The following MAP1A variants were observed in gnomAD, a reference collection of about 807,000 sequenced individuals.
The protein encoded by MAP1A is microtubule-associated protein 1A.
Under a neutral mutation model 185.9 loss-of-function variants are expected in MAP1A, and 42 were observed. The ratio of observed to expected loss-of-function variants is 0.23; its 90% CI spans 0.18 to 0.29. The LOEUF is 0.29. Ranked by LOEUF, MAP1A falls within the 10% of genes least tolerant of loss-of-function variation. MAP1A has a pLI of 1.00. For synonymous variants in MAP1A, 1,229 were observed against 1,335.9 expected (o/e 0.92, Z 1.74); for missense variants, 2,995 against 3,450.4 (o/e 0.87, Z 3.31).
At position 43,529,859 on chromosome 15, in the gene MAP1A, G is replaced by A. The variant is rs760188931; in HGVS notation, c.8245G>A (p.Glu2749Lys). Residue 2749 changes from glutamate (E) to lysine (K), a missense_variant, in exon 5 of 6, where the codon GAG becomes AAG. Physicochemically the swap from Glu to Lys is moderately conservative, Grantham distance 56. Transcript: ENST00000300231. The surrounding 1 kb of genome is among the most constrained non-coding windows in gnomAD (Gnocchi z 4.3). ...ALLEGKAQWG[E>K]NLQVTLIPTH... ...GCTGGAGGGCAAGGCCCAGTGGGGG[G>A]AGAATCTTCAGGTGAGTAGCAAAGG... 4 of 1,613,334 alleles carry A rather than the reference G, an allele frequency of 2.5e-6. No individual in the cohort carries two copies. The highest frequency in any genetic ancestry group is 2.7e-5 in the African/African-American group (2 of 74,920).
chr15:43,522,262 G>T lies in MAP1A; in HGVS notation c.789G>T (p.Val263=), dbSNP rs754323568. The T allele has an allele frequency of 6.2e-7, 1 of 1,614,200 alleles. No homozygotes were observed. The highest frequency in any genetic ancestry group is 2.2e-5 in the East Asian group (1 of 44,882). Residue 263 remains valine, a synonymous_variant, in exon 4 of 6, where the codon GTG becomes GTT. Transcript: ENST00000300231. This position sits in a 1 kb window ranked among gnomAD's most constrained non-coding sequence, Gnocchi z 5.9. ...CAGCCAATCCCACTGAGAAGATTGT[G>T]CGTGTGCTTTTTCCAGGAAATGCTC... ...WLPANPTEKI[V]RVLFPGNAPQ...
chr15:43,527,328 A>C lies in MAP1A; in HGVS notation c.5855A>C (p.Glu1952Ala). 6.2e-7 allele frequency: 1 copy of C among 1,614,110 alleles called. No individual in the cohort carries two copies. The highest frequency in any genetic ancestry group is 8.5e-7 in the Non-Finnish European group (1 of 1,180,012). Residue 1952 changes from glutamate to alanine, a missense_variant, in exon 4 of 6, where the codon GAG becomes GCG. By Grantham distance (107) the Glu-to-Ala change is moderately radical. Coordinates refer to ENST00000300231, the MANE Select transcript of MAP1A (RefSeq NM_002373.6). The part of the protein sequence containing the change: ...ATTEPEQTEP[E>A]QREPTPYPDE... ...ACGGAGCCTGAGCAGACTGAGCCGGAGCAGAGAGAGCCCACACCCTATCCT... is the reference window on the plus strand; with the variant it reads ...ACGGAGCCTGAGCAGACTGAGCCGGCGCAGAGAGAGCCCACACCCTATCCT...
rs372714757 is a variant in MAP1A, at chr15:43,523,559, C to T, written c.2086C>T (p.Arg696Trp). The T allele has an allele frequency of 1.7e-5, 28 of 1,614,010 alleles. No individual in the cohort carries two copies. Among genetic ancestry groups the T allele is most frequent in the East Asian group, 1.3e-4 (6 of 44,892 alleles). Residue 696 changes from arginine (R) to tryptophan (W), a missense_variant, in exon 4 of 6, where the codon CGG (arginine) becomes TGG (tryptophan). Physicochemically the swap from Arg to Trp is moderately radical, Grantham distance 101 (BLOSUM62 -3). Coordinates refer to ENST00000300231, the MANE Select transcript of MAP1A (RefSeq NM_002373.6). Reference protein sequence around the residue: ...QEPLKVTPRSREAFGGRELGL... With the variant: ...QEPLKVTPRSWEAFGGRELGL... ...ACCCTTGAAGGTAACTCCAAGGAGC[C>T]GGGAGGCTTTTGGGGGTCGGGAATT...
chr15:43,516,649 C>T (rs565810315), upstream of MAP1A, among the ~76,000 whole-genome samples: 9 of 152,298 alleles, frequency 5.9e-5, no homozygotes, highest in South Asian at 1.7e-3. Flanking sequence ...CTAAGGGAAA[C>T]AGGATCAACA....
In MAP1A at chr15:43,529,389, GAGCATCCCGGGCCCCACCTCGACC is replaced by G; in HGVS notation, c.7918_7941del (p.Ala2640_Pro2647del). The G allele has an allele frequency of 6.2e-7, 1 of 1,613,888 alleles. No homozygotes were observed. Among genetic ancestry groups the G allele is most frequent in the South Asian group, 1.1e-5 (1 of 91,080 alleles). ...ACCCCTGGTAAAGGGCCTGCAGATC[GAGCATCCCGGGCCCCACCTCGACC>G]ACGCAGCACCACAAGCCAGGTCACC... On this transcript the variant is annotated inframe_deletion, in exon 4 of 6. Coordinates refer to ENST00000300231, the MANE Select transcript of MAP1A (RefSeq NM_002373.6). This position sits in a 1 kb window ranked among gnomAD's most constrained non-coding sequence, Gnocchi z 4.3.
At position 43,524,332 on chromosome 15, in the gene MAP1A, A is replaced by T; in HGVS notation, c.2859A>T (p.Lys953Asn). Reference sequence around the variant, plus strand: ...CAGCAAACGTAGAGATGTCTGAGAAACTTTGCAGTCAATATGGAACTCCAG... The same window carrying T: ...CAGCAAACGTAGAGATGTCTGAGAATCTTTGCAGTCAATATGGAACTCCAG... ...EETANVEMSE[K>N]LCSQYGTPVF... is the part of the protein sequence containing the mutation. The change falls in exon 4 of 6, where the codon AAA becomes AAT. Residue 953 changes from lysine (K) to asparagine (N), a missense_variant. Transcript: ENST00000300231. 6.2e-7 allele frequency: 1 copy of T among 1,614,196 alleles called. No homozygotes were observed. Among genetic ancestry groups the T allele is most frequent in the African/African-American group, 1.3e-5 (1 of 75,040 alleles).
At chr15:43,514,406 C>T (rs2079291412), upstream of MAP1A, among the ~76,000 whole-genome samples, 1 of 152,238 alleles carries the variant, frequency 6.6e-6, no homozygotes, top group African/African-American at 2.4e-5. Context: ...GCCCCTCCCT[C>T]CAGCCTTCTG....
exon 1 of MAP1A, chr15:43,510,989 A>G (rs1404060562): frequency 1.9e-6 from 3 of 1,539,610 alleles, no homozygotes; most frequent in East Asian, 2.5e-5. Context: ...GGGTGTTTCC[A>G]TGGAGACCGA....
chr15:43,522,450 C>G lies in MAP1A; in HGVS notation c.977C>G (p.Thr326Ser), dbSNP rs2079323065. Reference sequence around the variant, plus strand: ...GATAGCAAGGAGAGCCTCAAAGCCACTACCAAGACGGCCGTGAGCAAGTTG... The same window carrying G: ...GATAGCAAGGAGAGCCTCAAAGCCAGTACCAAGACGGCCGTGAGCAAGTTG... Reference protein sequence around the residue: ...RADSKESLKATTKTAVSKLAK... With the variant: ...RADSKESLKASTKTAVSKLAK... The change falls in exon 4 of 6, where the codon ACT becomes AGT. Residue 326 changes from threonine (T) to serine (S), a missense_variant. Physicochemically the swap from Thr to Ser is moderately conservative, Grantham distance 58. This residue lies in a region of MAP1A where 264 missense variants were observed against 435.3 expected (regional missense o/e 0.61). Coordinates refer to ENST00000300231, the MANE Select transcript of MAP1A (RefSeq NM_002373.6). This position sits in a 1 kb window ranked among gnomAD's most constrained non-coding sequence, Gnocchi z 5.9. 1.9e-6 allele frequency: 3 copies of G among 1,614,074 alleles called. No individual in the cohort carries two copies. The highest frequency in any genetic ancestry group is 2.7e-5 in the African/African-American group (2 of 75,006).
chr15:43,522,839 C>T lies in MAP1A; in HGVS notation c.1366C>T (p.Leu456Phe). 6.3e-7 allele frequency: 1 copy of T among 1,599,490 alleles called. No individual in the cohort carries two copies. The highest frequency in any genetic ancestry group is 8.5e-7 in the Non-Finnish European group (1 of 1,172,084). The change falls in exon 4 of 6, where the codon CTC becomes TTC. Residue 456 changes from leucine to phenylalanine, a missense_variant. Transcript: ENST00000300231. This position sits in a 1 kb window ranked among gnomAD's most constrained non-coding sequence, Gnocchi z 5.9. ...GAAGAGGAAAGATACCAAACCTGAG[C>T]TCAAGAAGATTTCCAAGCCAGACCT... ...EEKRKDTKPE[L>F]KKISKPDLKP...
At position 43,517,720 on chromosome 15, in the gene MAP1A, G is replaced by A. The variant is rs1487001045; in HGVS notation, c.-375+20G>A. 3 of 935,938 alleles carry A rather than the reference G, an allele frequency of 3.2e-6. No individual in the cohort carries two copies. In the African/African-American group the frequency reaches 5.3e-5, roughly 17 times the overall value. The allele number at this position is 935,938 out of a possible 1,614,324, so 58.0% of individuals were successfully genotyped here. ...CCCAGGGTAAGAACCGAACCAAAGGGCTTGGCATGTGGGGGTACACTGTGA... is the reference window on the plus strand; with the variant it reads ...CCCAGGGTAAGAACCGAACCAAAGGACTTGGCATGTGGGGGTACACTGTGA... On this transcript the variant is annotated intron_variant, in intron 1 of 5. Coordinates refer to ENST00000300231, the MANE Select transcript of MAP1A (RefSeq NM_002373.6).
Position 43,521,011 on chromosome 15 carries a change from C to G in MAP1A, c.-252C>G. 1 of 1,550,178 alleles carries G rather than the reference C, an allele frequency of 6.5e-7. No individual in the cohort carries two copies. Among genetic ancestry groups the G allele is most frequent in the Non-Finnish European group, 8.7e-7 (1 of 1,146,646 alleles). On this transcript the variant is annotated 5_prime_UTR_variant, in exon 3 of 6. Coordinates refer to ENST00000300231, the MANE Select transcript of MAP1A (RefSeq NM_002373.6). This position sits in a 1 kb window ranked among gnomAD's most constrained non-coding sequence, Gnocchi z 4.6. The stretch of plus-strand genomic sequence containing the variant: ...TAGCAGCTCATCAGCTTATAAACTA[C>G]TAATCTTGAGTGGGCAAAGTTTAGA...
rs754853572 is a variant in MAP1A, at chr15:43,522,943, T to C, written c.1470T>C (p.Arg490=). 1 of 1,614,054 alleles carries C rather than the reference T, an allele frequency of 6.2e-7. No homozygotes were observed. The highest frequency in any genetic ancestry group is 8.5e-7 in the Non-Finnish European group (1 of 1,179,984). ...GAAGAGTCAAAATAGACAGGAGCCG[T>C]GCTATCCGTGGGGAGAAGGAGCTGT... ...VPGRVKIDRS[R]AIRGEKELSS... The change falls in exon 4 of 6, where the codon CGT becomes CGC. Residue 490 remains arginine (R), a synonymous_variant. Transcript: ENST00000300231. This position sits in a 1 kb window ranked among gnomAD's most constrained non-coding sequence, Gnocchi z 5.9.
Position 43,522,787 on chromosome 15 carries a change from G to C in MAP1A, c.1314G>C (p.Glu438Asp). The C allele has an allele frequency of 6.4e-7, 1 of 1,565,964 alleles. No individual in the cohort carries two copies. Among genetic ancestry groups the C allele is most frequent in the South Asian group, 1.2e-5 (1 of 86,106 alleles). Residue 438 changes from glutamate to aspartate, a missense_variant, in exon 4 of 6, where the codon GAG (glutamate) becomes GAC (aspartate). Physicochemically the swap from Glu to Asp is conservative, Grantham distance 45 (BLOSUM62 2). Coordinates refer to ENST00000300231, the MANE Select transcript of MAP1A (RefSeq NM_002373.6). The surrounding 1 kb of genome is among the most constrained non-coding windows in gnomAD (Gnocchi z 5.9). ...TCAAGAAGGATGAAGGAAGGAAGGAGGAGAAGAAGGATGCCAAGAAGGAGG... is the reference window on the plus strand; with the variant it reads ...TCAAGAAGGATGAAGGAAGGAAGGACGAGAAGAAGGATGCCAAGAAGGAGG... ...KELKKDEGRK[E>D]EKKDAKKEEK...
rs1294388458 is a variant in MAP1A, at chr15:43,530,062, C to A, written c.8257-7C>A. ...CTCACATCAGACATATCTTATCTCC[C>A]TTCTAGGTGACTCTGATCCCTACTC... On this transcript the variant is annotated splice_region_variant and splice_polypyrimidine_tract_variant and intron_variant, in intron 5 of 5. Transcript: ENST00000300231. 3 of 1,613,950 alleles carry A rather than the reference C, an allele frequency of 1.9e-6. No homozygotes were observed. The South Asian group carries it at 3.3e-5, about 18-fold the overall frequency.
At position 43,528,246 on chromosome 15, in the gene MAP1A, G is replaced by A. The variant is rs746178952; in HGVS notation, c.6773G>A (p.Gly2258Asp). Reference protein sequence around the residue: ...PRPASPALSEGSSSEATTPVI... With the variant: ...PRPASPALSEDSSSEATTPVI... ...CCTGCCTCACCAGCCCTGTCTGAGG[G>A]CTCCTCCTCTGAGGCTACCACGCCT... Residue 2258 changes from glycine to aspartate, a missense_variant, in exon 4 of 6, where the codon GGC (glycine) becomes GAC (aspartate). Transcript: ENST00000300231. 1.2e-6 allele frequency: 2 copies of A among 1,614,028 alleles called. No homozygotes were observed.
At chr15:43,520,887 G>C in intron 2 of MAP1A, 85 bp from the exon 3 acceptor site, 1 of 1,400,226 alleles carries the variant, frequency 7.1e-7, no homozygotes, top group Non-Finnish European at 9.8e-7. Flanking sequence ...TAAGTTGGGA[G>C]CATGTTCTTG....
rs767368466 is a variant in MAP1A, at chr15:43,511,068, G to C, written c.80G>C (p.Gly27Ala). The stretch of plus-strand genomic sequence containing the variant: ...CCGGGGCTGGGGCTCCGAAGTCCCG[G>C]CGCACCGCTGGCTCAGAACCCCGCG... The change falls in exon 1 of 7, where the codon GGC (glycine) becomes GCC (alanine). Residue 27 changes from glycine to alanine, a missense_variant. By Grantham distance (60) the Gly-to-Ala change is moderately conservative (BLOSUM62 0). Transcript: ENST00000382031. The C allele has an allele frequency of 7.1e-6, 11 of 1,549,410 alleles. No homozygotes were observed. The South Asian group carries it at 1.1e-4, about 15-fold the overall frequency.
chr15:43,529,800 A>G lies in MAP1A; in HGVS notation c.8186A>G (p.Asn2729Ser). The G allele has an allele frequency of 6.2e-7, 1 of 1,614,172 alleles. No individual in the cohort carries two copies. Among genetic ancestry groups the G allele is most frequent in the Non-Finnish European group, 8.5e-7 (1 of 1,180,038 alleles). The change falls in exon 5 of 6, where the codon AAT (asparagine) becomes AGT (serine). Residue 2729 changes from asparagine (N) to serine (S), a missense_variant. Physicochemically the swap from Asn to Ser is conservative, Grantham distance 46 (BLOSUM62 1). This residue lies in a region of MAP1A where 2,728 missense variants were observed against 2,986.0 expected (regional missense o/e 0.91). Transcript: ENST00000300231. This position sits in a 1 kb window ranked among gnomAD's most constrained non-coding sequence, Gnocchi z 4.3. The stretch of plus-strand genomic sequence containing the variant: ...GTGGTCAGTGGGAATGACCCTGCCA[A>G]TGGCGAGCCAAGCCGGGCTGTGCTG... Reference protein sequence around the residue: ...YYVVSGNDPANGEPSRAVLDA... With the variant: ...YYVVSGNDPASGEPSRAVLDA...
Sources: gnomAD v4.1 joint callset for allele counts (sites outside exome capture counted in the v4.1 genomes callset) on GRCh38, gnomAD v4.1.1 for gene constraint, gnomAD v4.1.1 regional missense constraint, Gnocchi (gnomAD v3.1) non-coding constraint, MANE v1.5 for transcripts, NCBI Gene and HGNC (gene_info 2026-07-23, HGNC 2026-07-21) for gene names.